Variants in FHAD1 observed in about 807,000 individuals in gnomAD.
FHAD1 encodes forkhead-associated domain-containing protein 1.
Under a neutral mutation model 191.3 loss-of-function variants are expected in FHAD1, and 146 were observed. The observed-to-expected ratio is 0.76, with a 90% CI of 0.67 to 0.88. The LOEUF (loss-of-function observed/expected upper bound fraction) is 0.88, where lower values mean the gene tolerates loss of function less well. Ranked by LOEUF, FHAD1 falls within the 40% of genes least tolerant of loss-of-function variation. The pLI is 0.00. For missense variants in FHAD1, 1,635 were observed against 1,785.8 expected (o/e 0.92, Z 1.52); for synonymous variants, 616 against 672.3 (o/e 0.92, Z 1.29).
intron 3 of FHAD1, among the ~76,000 whole-genome samples, chr1:15,274,597 G>A (rs563615371): frequency 7.1e-4 from 96 of 136,110 alleles, no homozygotes; most frequent in African/African-American, 2.5e-3. Flanking sequence ...GGGTGACAGA[G>A]CAAGACTCCG....
At chr1:15,384,899 C>T (rs554999210) in intron 31 of FHAD1, among the ~76,000 whole-genome samples, 1 of 152,266 alleles carries the variant, frequency 6.6e-6, no homozygotes, top group African/African-American at 2.4e-5. Context: ...CTGAGGAGGT[C>T]GGAGGGCAGT....
rs149542071 is a variant in FHAD1 at position 15,285,414 on chromosome 1, T to C, written c.301-3985T>C. Among the ~76,000 whole-genome samples the C allele has an allele frequency of 1.7e-3, 262 of 152,274 alleles. 9 individuals are homozygous for C. The East Asian group carries it at 0.032, about 19-fold the overall frequency. ...TGGGCGTGGTGGCACATGCCTATAA[T>C]GCCAGCTACTTGGGAGGCTGAGGCA... On this transcript the variant is annotated intron_variant, in intron 3 of 33. Transcript: ENST00000688493.
Position 15,349,128 on chromosome 1 carries a change from C to T in FHAD1, c.2433C>T (p.Asn811=). 1 of 1,551,190 alleles carries T rather than the reference C, an allele frequency of 6.4e-7. No individual in the cohort carries two copies. Among genetic ancestry groups the T allele is most frequent in the Non-Finnish European group, 8.7e-7 (1 of 1,146,696 alleles). Residue 811 remains asparagine, a synonymous_variant, in exon 19 of 34, where the codon AAC becomes AAT. Transcript: ENST00000688493. The stretch of plus-strand genomic sequence containing the variant: ...AGAGAAAAGTTCAGGATCTGGAGAA[C>T]CATTTAACCCAACAGAAGGAGGTAT... ...SEKRKVQDLE[N]HLTQQKEISE... is the part of the protein sequence containing the mutation.
At chr1:15,371,679 G>A (rs957148014) in intron 26 of FHAD1, among the ~76,000 whole-genome samples, 6 of 152,210 alleles carry the variant, frequency 3.9e-5, no homozygotes, top group African/African-American at 9.6e-5. Flanking sequence ...AAGGGAGAAC[G>A]TTCCAGGTTG....
chr1:15,301,358 G>A lies in FHAD1; in HGVS notation c.832G>A (p.Glu278Lys), dbSNP rs1668705595. 6.4e-7 allele frequency: 1 copy of A among 1,551,656 alleles called. No homozygotes were observed. Among genetic ancestry groups the A allele is most frequent in the Non-Finnish European group, 8.7e-7 (1 of 1,147,026 alleles). Residue 278 changes from glutamate to lysine, a missense_variant, in exon 6 of 34, where the codon GAG becomes AAG. Transcript: ENST00000688493. ...VSETTTSRQN[E>K]KEISQKCQVL... ...AGAGACCACCACCTCCAGGCAGAAT[G>A]AGAAGGAGATCTCGCAGAAGTGTCA...
intron 9 of FHAD1, among the ~76,000 whole-genome samples, chr1:15,317,231 A>T (rs1432211858): frequency 6.6e-6 from 1 of 152,200 alleles, no homozygotes; most frequent in African/African-American, 2.4e-5. Flanking sequence ...GAAGGTAACC[A>T]TAAAAATAAA....
intron 15 of FHAD1, among the ~76,000 whole-genome samples, chr1:15,340,380 C>T (rs982200849): frequency 6.6e-6 from 1 of 152,204 alleles, no homozygotes; most frequent in Non-Finnish European, 1.5e-5. Flanking sequence ...CTCTGCTGAC[C>T]TTGGATGGGC....
chr1:15,396,069 G>A (rs771091945), intron 33 of FHAD1, among the ~76,000 whole-genome samples: 3 of 152,206 alleles, frequency 2.0e-5, no homozygotes, highest in Non-Finnish European at 2.9e-5. Flanking sequence ...CAGCACTTTG[G>A]GAGGCCAAGG....
At chr1:15,335,310 A>T (rs1683567091) in intron 14 of FHAD1, 1 of 152,062 alleles carries the variant, frequency 6.6e-6, no homozygotes, top group African/African-American at 2.4e-5. Context: ...GAAGGAAAGG[A>T]TTTTTTACAT....
chr1:15,392,259 G>C (rs533167918), intron 33 of FHAD1, among the ~76,000 whole-genome samples: 1 of 152,232 alleles, frequency 6.6e-6, no homozygotes, highest in South Asian at 2.1e-4. Context: ...CAGGCCAGGC[G>C]TGGTGGCTCA....
intron 15 of FHAD1, among the ~76,000 whole-genome samples, chr1:15,341,384 T>C (rs947105581): frequency 6.6e-6 from 1 of 152,172 alleles, no homozygotes; most frequent in African/African-American, 2.4e-5. Context: ...ACATGACTGC[T>C]TTTTTTCCTC....
chr1:15,306,397 G>A (rs1670497838), intron 6 of FHAD1, among the ~76,000 whole-genome samples: 1 of 152,194 alleles, frequency 6.6e-6, no homozygotes, highest in Non-Finnish European at 1.5e-5. Context: ...CCATTTTCTG[G>A]GGGAGAAATT....
At chr1:15,285,624 C>G (rs1662166425) in intron 3 of FHAD1, among the ~76,000 whole-genome samples, 1 of 152,144 alleles carries the variant, frequency 6.6e-6, no homozygotes, top group Admixed American at 6.5e-5. Context: ...ACATCATGCA[C>G]TGGCCCCTTT....
At chr1:15,254,528 TACTA>T (rs1036189124) in intron 2 of FHAD1, among the ~76,000 whole-genome samples, 28 of 152,240 alleles carry the variant, frequency 1.8e-4, no homozygotes, top group Non-Finnish European at 4.4e-5. Flanking sequence ...TATCCACTGA[TACTA>T]ACAAGCTATT....
intron 5 of FHAD1, among the ~76,000 whole-genome samples, chr1:15,299,450 A>G (rs552582771): frequency 4.6e-5 from 7 of 152,324 alleles, no homozygotes; most frequent in Admixed American, 1.3e-4. Context: ...TTTAAAGTTT[A>G]TGATCCAAAA....
intron 6 of FHAD1, among the ~76,000 whole-genome samples, chr1:15,305,153 G>A (rs17377023): frequency 0.038 from 5,762 of 152,252 alleles, 144 homozygotes; most frequent in Non-Finnish European, 0.051. Flanking sequence ...AAGCTAAAAC[G>A]CACCGTAGAA....
chr1:15,339,353 T>TGCCCGGCTGC, intron 14 of FHAD1, 128 bp from the exon 15 acceptor site: 1 of 395,894 alleles, frequency 2.5e-6, no homozygotes, highest in Non-Finnish European at 4.8e-6. Context: ...TATCAACTAC[T>TGCCCGGCTGC]TTAAAACCAC....
Position 15,327,722 on chromosome 1 carries a change from G to A in FHAD1, c.1558-555G>A, listed in dbSNP as rs1172457575. The A allele has an allele frequency of 6.6e-6, 1 of 152,424 alleles. No homozygotes were observed. The highest frequency in any genetic ancestry group is 6.5e-5 in the Admixed American group (1 of 15,292). 9.4% of individuals were successfully genotyped at this position (152,424 alleles called of 1,614,324 possible). A position where few individuals can be genotyped will look rare whatever the true frequency, so the allele number is the denominator to read the frequency against. On this transcript the variant is annotated intron_variant, in intron 12 of 33. Coordinates refer to ENST00000688493, the MANE Select transcript of FHAD1 (RefSeq NM_001391957.1). This position sits in a 1 kb window ranked among gnomAD's most constrained non-coding sequence, Gnocchi z 5.1. Reference sequence around the variant, plus strand: ...GAACAAACTCAGGGCCACAAGACAGGCCTTTGGATCATAAAAATAATCTCT... The same window carrying A: ...GAACAAACTCAGGGCCACAAGACAGACCTTTGGATCATAAAAATAATCTCT...
rs967494302 is a variant in FHAD1, at chr1:15,272,357, A to G, written c.128A>G (p.Glu43Gly). 1 of 1,551,728 alleles carries G rather than the reference A, an allele frequency of 6.4e-7. No homozygotes were observed. The highest frequency in any genetic ancestry group is 1.4e-5 in the African/African-American group (1 of 73,172). The change falls in exon 3 of 34, where the codon GAA becomes GGA. Residue 43 changes from glutamate to glycine, a missense_variant. Coordinates refer to ENST00000688493, the MANE Select transcript of FHAD1 (RefSeq NM_001391957.1). Reference protein sequence around the residue: ...PDIDNHHALIEYNEAECSFVL... With the variant: ...PDIDNHHALIGYNEAECSFVL... ...ATCGACAACCACCATGCACTCATTG[A>G]ATATAACGAGGCGGAGTGCAGCTTT...
Sources: gnomAD v4.1 joint callset for allele counts (sites outside exome capture counted in the v4.1 genomes callset) on GRCh38, gnomAD v4.1.1 for gene constraint, Gnocchi (gnomAD v3.1) non-coding constraint, MANE v1.5 for transcripts, NCBI Gene and HGNC (gene_info 2026-07-23, HGNC 2026-07-21) for gene names.